FBXO33: variants seen among roughly 807,000 people sequenced by gnomAD.
The protein encoded by FBXO33 is F-box only protein 33.
A neutral mutation model predicts 46.3 loss-of-function variants in FBXO33; 22 were observed. The ratio of observed to expected loss-of-function variants is 0.48; its 90% CI spans 0.34 to 0.68. The LOEUF (loss-of-function observed/expected upper bound fraction) is 0.68, where lower values mean the gene tolerates loss of function less well. FBXO33 is among the 30% of genes least tolerant of loss of function. The pLI is 0.01. For missense variants in FBXO33, 692 were observed against 708.8 expected, an observed-to-expected ratio of 0.98 and a Z score of 0.27; for synonymous variants, 337 against 291.3, an observed-to-expected ratio of 1.16 and a Z score of -1.60.
At chr14:39,422,846 G>A (rs1198846558) in intron 1 of FBXO33, among the ~76,000 whole-genome samples, 4 of 152,112 alleles carry the variant, frequency 2.6e-5, no homozygotes, top group Non-Finnish European at 5.9e-5. Context: ...GCTTAAGGCC[G>A]GGTGCAGTGG....
intron 1 of FBXO33, among the ~76,000 whole-genome samples, chr14:39,423,707 C>T (rs928981031): frequency 6.6e-6 from 1 of 152,150 alleles, no homozygotes; most frequent in African/African-American, 2.4e-5. Flanking sequence ...AACTAACCCA[C>T]AGTGTTAAGT....
At position 39,399,524 on chromosome 14, in the gene FBXO33, C is replaced by T. The variant is rs752825055; in HGVS notation, c.1660G>A (p.Asp554Asn). 2 of 1,607,944 alleles carry T rather than the reference C, an allele frequency of 1.2e-6. No individual in the cohort carries two copies. Among genetic ancestry groups the T allele is most frequent in the African/African-American group, 1.3e-5 (1 of 74,734 alleles). The change falls in exon 4 of 4, where the codon GAC becomes AAC. Residue 554 changes from aspartate (D) to asparagine (N), a missense_variant. Physicochemically the swap from Asp to Asn is conservative, Grantham distance 23. This residue lies in a region of FBXO33 where 94 missense variants were observed against 91.9 expected (regional missense o/e 1.02). Transcript: ENST00000298097. ...TCTACATTAAAAAAAAGCTAAATGT[C>T]TTCACTGAAGCTTTGCATCTCTCTG... ...FYREMQSFSE[D>N]I
At chr14:39,419,064 C>T (rs2075465802) in intron 1 of FBXO33, among the ~76,000 whole-genome samples, 1 of 152,132 alleles carries the variant, frequency 6.6e-6, no homozygotes, top group Non-Finnish European at 1.5e-5. Context: ...GAATTCATTC[C>T]TCTCCTGTTG....
rs2075367194 is a variant in FBXO33, at chr14:39,401,244, T to C, written c.1328A>G (p.Asn443Ser). The change falls in exon 3 of 4, where the codon AAC becomes AGC. Residue 443 changes from asparagine (N) to serine (S), a missense_variant. Asn to Ser is a conservative substitution (Grantham distance 46). Coordinates refer to ENST00000298097, the MANE Select transcript of FBXO33 (RefSeq NM_203301.4). ...TAAAACCAACGGATCTTCATTTCGG[T>C]TGTCACTAAGATCTGGAAAACCAGA... ...DTSGFPDLSDNRNEDPLVLLA... is the reference protein window; with the variant it reads ...DTSGFPDLSDSRNEDPLVLLA... 6.2e-7 allele frequency: 1 copy of C among 1,613,428 alleles called. No individual in the cohort carries two copies. The highest frequency in any genetic ancestry group is 1.1e-5 in the South Asian group (1 of 90,904).
At chr14:39,429,849 G>A (rs1377591807) in intron 1 of FBXO33, among the ~76,000 whole-genome samples, 6 of 152,182 alleles carry the variant, frequency 3.9e-5, no homozygotes, top group African/African-American at 1.4e-4. Context: ...GGGTAAGGAA[G>A]AGAAGGACAG....
At chr14:39,420,175 A>G (rs1454314352) in intron 1 of FBXO33, among the ~76,000 whole-genome samples, 1 of 152,220 alleles carries the variant, frequency 6.6e-6, no homozygotes. Flanking sequence ...ATGGTGGTTA[A>G]GTTCTAAATA....
rs1001697674 is a variant in FBXO33 at position 39,432,239 on chromosome 14, G to C, written c.-77C>G. 1 of 1,122,302 alleles carries C rather than the reference G, an allele frequency of 8.9e-7. No individual in the cohort carries two copies. Among genetic ancestry groups the C allele is most frequent in the African/African-American group, 1.6e-5 (1 of 61,054 alleles). The allele number at this position is 1,122,302 out of a possible 1,614,324, so 69.5% of individuals were successfully genotyped here. ...GTAGAACACAAGTTGTGGAGAGGGG[G>C]AAAGGCCTCTGCGGGCGTGGCCTGC... On this transcript the variant is annotated 5_prime_UTR_variant, in exon 1 of 4. Transcript: ENST00000298097.
intron 1 of FBXO33, among the ~76,000 whole-genome samples, chr14:39,427,072 A>G (rs1024033262): frequency 6.6e-6 from 1 of 152,084 alleles, no homozygotes; most frequent in Non-Finnish European, 1.5e-5. Context: ...AGTTTGGTGA[A>G]CTCTCCCAAG....
chr14:39,431,516 G>A (rs774765431), intron 1 of FBXO33, 48 bp downstream of exon 1: 1 of 1,602,762 alleles, frequency 6.2e-7, no homozygotes, highest in Non-Finnish European at 8.5e-7. Flanking sequence ...GTGCGGGGAC[G>A]GAGCGACCCC....
intron 1 of FBXO33, among the ~76,000 whole-genome samples, chr14:39,421,171 T>C (rs1444857875): frequency 6.6e-6 from 1 of 152,204 alleles, no homozygotes; most frequent in Non-Finnish European, 1.5e-5. Context: ...GGTGACTATG[T>C]TTCTTCTTTT....
intron 1 of FBXO33, among the ~76,000 whole-genome samples, chr14:39,429,026 T>C (rs1398505283): frequency 6.6e-6 from 1 of 152,174 alleles, no homozygotes; most frequent in Non-Finnish European, 1.5e-5. Flanking sequence ...TCCTAAAACC[T>C]AAGATACAGG....
chr14:39,432,170 T>C lies in FBXO33; in HGVS notation c.-8A>G. 8.1e-7 allele frequency: 1 copy of C among 1,229,970 alleles called. No homozygotes were observed. The highest frequency in any genetic ancestry group is 1.0e-6 in the Non-Finnish European group (1 of 985,100). 76.2% of individuals were successfully genotyped at this position (1,229,970 alleles called of 1,614,324 possible). A position where few individuals can be genotyped will look rare whatever the true frequency, so the allele number is the denominator to read the frequency against. The stretch of plus-strand genomic sequence containing the variant: ...TGACAAGAACAACAACATCAATGAC[T>C]AGGAAGAAGGGGGCGGAACCGTCGT... On this transcript the variant is annotated 5_prime_UTR_variant, in exon 1 of 4. Coordinates refer to ENST00000298097, the MANE Select transcript of FBXO33 (RefSeq NM_203301.4).
At chr14:39,402,587 T>C (rs766074983) in intron 1 of FBXO33, 76 bp from the exon 2 acceptor site, 16 of 626,658 alleles carry the variant, frequency 2.6e-5, no homozygotes, top group East Asian at 7.2e-5. Context: ...AATAAGAATA[T>C]GCAAAGGGGA....
intron 3 of FBXO33, among the ~76,000 whole-genome samples, chr14:39,400,219 T>C (rs2075362374): frequency 6.6e-6 from 1 of 152,208 alleles, no homozygotes; most frequent in Non-Finnish European, 1.5e-5. Flanking sequence ...CTATAATGCT[T>C]TGCGAAGTTA....
intron 1 of FBXO33, among the ~76,000 whole-genome samples, chr14:39,410,759 G>A (rs1429013222): frequency 6.6e-6 from 1 of 152,098 alleles, no homozygotes; most frequent in African/African-American, 2.4e-5. Flanking sequence ...GTTTTGGAAG[G>A]TTTATGTTTC....
intron 1 of FBXO33, among the ~76,000 whole-genome samples, chr14:39,409,904 A>T (rs958283250): frequency 5.3e-5 from 8 of 151,858 alleles, no homozygotes; most frequent in Admixed American, 5.2e-4. Flanking sequence ...TGCATCCACC[A>T]ACCTTGCTGA....
chr14:39,419,118 A>T (rs1358161771), intron 1 of FBXO33, among the ~76,000 whole-genome samples: 1 of 152,172 alleles, frequency 6.6e-6, no homozygotes, highest in Non-Finnish European at 1.5e-5. Context: ...TACAACACTA[A>T]AGTACAGCAA....
intron 1 of FBXO33, among the ~76,000 whole-genome samples, chr14:39,404,210 T>C (rs2075381752): frequency 6.6e-6 from 1 of 152,190 alleles, no homozygotes; most frequent in African/African-American, 2.4e-5. Flanking sequence ...CTGTGCTATA[T>C]ACTAGAGACA....
chr14:39,429,445 TAAAC>T (rs2075532478), intron 1 of FBXO33, among the ~76,000 whole-genome samples: 1 of 152,250 alleles, frequency 6.6e-6, no homozygotes, highest in Admixed American at 6.5e-5. Context: ...TAGTCACTGA[TAAAC>T]AATGTGGTTT....
Sources: gnomAD v4.1 joint callset for allele counts (sites outside exome capture counted in the v4.1 genomes callset) on GRCh38, gnomAD v4.1.1 for gene constraint, gnomAD v4.1.1 regional missense constraint, MANE v1.5 for transcripts, NCBI Gene and HGNC (gene_info 2026-07-23, HGNC 2026-07-21) for gene names.